The following CSMD1 variants were observed in gnomAD, a reference collection of about 807,000 sequenced individuals.
CSMD1 encodes CUB and sushi domain-containing protein 1.
In CSMD1, 213 loss-of-function variants were observed where a neutral mutation model predicts 417.5. The observed-to-expected ratio is 0.51, with a 90% confidence interval of 0.46 to 0.57. The LOEUF is 0.57. Among genes scored for constraint, CSMD1 ranks in the 20% least tolerant of loss-of-function variants. The pLI is 0.00. For synonymous variants in CSMD1, 2,862 were observed against 1,736.8 expected (o/e 1.65, Z -16.11); for missense variants, 6,923 against 4,529.7 (o/e 1.53, Z -15.17).
At chr8:4,144,569 G>A (rs886168392) in intron 3 of CSMD1, among the ~76,000 whole-genome samples, 1 of 150,866 alleles carries the variant, frequency 6.6e-6, no homozygotes, top group African/African-American at 2.5e-5. Context: ...ATTGTTATCT[G>A]GATTGCTCAG....
At chr8:3,626,212 G>C (rs1056960856) in intron 7 of CSMD1, among the ~76,000 whole-genome samples, 3 of 152,262 alleles carry the variant, frequency 2.0e-5, no homozygotes, top group Admixed American at 2.0e-4. Context: ...CTGTCACCTG[G>C]GGAGAGCACC....
At chr8:3,892,781 AT>A (rs1807072137) in intron 5 of CSMD1, among the ~76,000 whole-genome samples, 1 of 145,596 alleles carries the variant, frequency 6.9e-6, no homozygotes, top group African/African-American at 2.5e-5. Context: ...TCGTAGGACA[AT>A]TTGGACAGTC....
intron 4 of CSMD1, among the ~76,000 whole-genome samples, chr8:4,012,911 A>G (rs1052009527): frequency 1.3e-4 from 20 of 152,002 alleles, no homozygotes; most frequent in Non-Finnish European, 2.5e-4. Context: ...AAATTCCATC[A>G]GCACCTTCTT....
intron 5 of CSMD1, among the ~76,000 whole-genome samples, chr8:3,860,715 T>G (rs572739609): frequency 6.6e-6 from 1 of 152,308 alleles, no homozygotes; most frequent in African/African-American, 2.4e-5. Context: ...CTAAATGCAA[T>G]ACACGCTAAT....
At chr8:4,117,119 C>G (rs1455479260) in intron 3 of CSMD1, among the ~76,000 whole-genome samples, 1 of 151,664 alleles carries the variant, frequency 6.6e-6, no homozygotes, top group Non-Finnish European at 1.5e-5. Context: ...TTTTTTCTTG[C>G]TGCCACATTC....
At chr8:4,237,917 C>T (rs539529530) in intron 3 of CSMD1, among the ~76,000 whole-genome samples, 1 of 152,248 alleles carries the variant, frequency 6.6e-6, no homozygotes, top group South Asian at 2.1e-4. Flanking sequence ...AAATGTGAAG[C>T]TTTCCTCTCA....
chr8:4,535,161 A>G (rs1026179506), intron 2 of CSMD1, among the ~76,000 whole-genome samples: 20 of 152,256 alleles, frequency 1.3e-4, no homozygotes, highest in African/African-American at 4.1e-4. Context: ...AAATTATATA[A>G]TGCAGTATAA....
At chr8:3,547,755 A>T (rs1321211589) in intron 10 of CSMD1, among the ~76,000 whole-genome samples, 2 of 152,240 alleles carry the variant, frequency 1.3e-5, no homozygotes, top group Non-Finnish European at 2.9e-5. Context: ...GTTATCTAAT[A>T]GAAATGTGTT....
intron 8 of CSMD1, among the ~76,000 whole-genome samples, chr8:3,616,334 G>A (rs986467447): frequency 5.9e-5 from 9 of 152,018 alleles, no homozygotes; most frequent in African/African-American, 1.2e-4. Flanking sequence ...CCTCCACTTC[G>A]CTCATTCTTC....
intron 3 of CSMD1, among the ~76,000 whole-genome samples, chr8:4,307,332 G>A (rs1055561137): frequency 6.6e-6 from 1 of 152,098 alleles, no homozygotes; most frequent in Non-Finnish European, 1.5e-5. Flanking sequence ...TCCACATTGA[G>A]GCTGAAAATG....
At chr8:4,523,795 C>A (rs183718573) in intron 2 of CSMD1, among the ~76,000 whole-genome samples, 7 of 152,244 alleles carry the variant, frequency 4.6e-5, no homozygotes, top group Admixed American at 2.0e-4. Context: ...GCAATGTATA[C>A]AAATACCACA....
chr8:4,787,609 T>C lies in CSMD1; in HGVS notation c.86-150051A>G. The C allele has an allele frequency of 1.9e-6, 3 of 1,553,536 alleles. No homozygotes were observed. The South Asian group carries it at 3.4e-5, about 17-fold the overall frequency. Reference sequence around the variant, plus strand: ...GCGAAATGATTCCAATTGAATGGGTTTGCAGAAGAATAGCAACTGGTTCTT... The same window carrying C: ...GCGAAATGATTCCAATTGAATGGGTCTGCAGAAGAATAGCAACTGGTTCTT... On this transcript the variant is annotated intron_variant, in intron 1 of 69. Coordinates refer to ENST00000635120, the MANE Select transcript of CSMD1 (RefSeq NM_033225.6).
At chr8:3,615,730 C>T (rs1802104545) in intron 8 of CSMD1, among the ~76,000 whole-genome samples, 1 of 152,140 alleles carries the variant, frequency 6.6e-6, no homozygotes, top group African/African-American at 2.4e-5. Flanking sequence ...TAGCCCACTT[C>T]AGCAGCCTTA....
At chr8:4,453,963 A>C (rs1799316989) in intron 2 of CSMD1, among the ~76,000 whole-genome samples, 1 of 151,322 alleles carries the variant, frequency 6.6e-6, no homozygotes, top group Admixed American at 6.6e-5. Context: ...CTGGGACTAC[A>C]GGCGCCCGCC....
intron 1 of CSMD1, among the ~76,000 whole-genome samples, chr8:4,687,346 C>A (rs190746764): frequency 6.6e-6 from 1 of 152,126 alleles, no homozygotes; most frequent in South Asian, 2.1e-4. Context: ...CCAGATCGAA[C>A]AGGACTAAAG....
intron 1 of CSMD1, among the ~76,000 whole-genome samples, chr8:4,904,352 G>A (rs988474317): frequency 2.0e-5 from 3 of 152,200 alleles, no homozygotes; most frequent in African/African-American, 4.8e-5. Flanking sequence ...TATGCCTACA[G>A]CATGCAAGAA....
intron 1 of CSMD1, among the ~76,000 whole-genome samples, chr8:4,863,236 T>C (rs1242184813): frequency 6.6e-6 from 1 of 152,142 alleles, no homozygotes; most frequent in Non-Finnish European, 1.5e-5. Flanking sequence ...AAAATAATCA[T>C]GTGTTTTGAG....
At chr8:3,385,383 A>G (rs1002874493) in intron 18 of CSMD1, among the ~76,000 whole-genome samples, 7 of 151,116 alleles carry the variant, frequency 4.6e-5, no homozygotes, top group African/African-American at 1.5e-4. Context: ...TGTATTTCTA[A>G]TAAGTTATAT....
intron 11 of CSMD1, among the ~76,000 whole-genome samples, chr8:3,481,500 A>C (rs1202333265): frequency 6.6e-6 from 1 of 152,208 alleles, no homozygotes; most frequent in East Asian, 1.9e-4. Flanking sequence ...TAAGATAAAT[A>C]ATGGCCTCAC....
Sources: allele counts gnomAD v4.1 joint callset (sites outside exome capture counted in the v4.1 genomes callset), GRCh38; gene constraint gnomAD v4.1.1; transcripts MANE v1.5; gene names NCBI Gene and HGNC (gene_info 2026-07-23, HGNC 2026-07-21).